PRKN: variants seen among roughly 807,000 people sequenced by gnomAD.
The protein encoded by PRKN is parkin RBR E3 ubiquitin protein ligase.
In PRKN, 56 loss-of-function variants were observed where a neutral mutation model predicts 59.5. That is an observed-to-expected ratio of 0.94 (90% CI 0.76 to 1.18). The LOEUF is 1.18. PRKN is among the 50% of genes most tolerant of loss of function. The pLI, the probability that PRKN is intolerant of heterozygous loss-of-function variation, is 0.00. For synonymous variants in PRKN, 250 were observed against 222.1 expected, an observed-to-expected ratio of 1.13 and a Z score of -1.12; for missense variants, 657 against 596.4, an observed-to-expected ratio of 1.10 and a Z score of -1.06.
intron 2 of PRKN, among the ~76,000 whole-genome samples, chr6:162,372,540 A>C (rs375489897): frequency 4.6e-5 from 7 of 152,086 alleles, no homozygotes; most frequent in African/African-American, 1.2e-4. Flanking sequence ...TGGCAACAAG[A>C]GACACTGGGG....
At chr6:161,842,567 T>C (rs533093057) in intron 6 of PRKN, among the ~76,000 whole-genome samples, 92 of 152,192 alleles carry the variant, frequency 6.0e-4, no homozygotes, top group African/African-American at 2.0e-3. Context: ...TCTCTTTTTT[T>C]TCTTTTTCTT....
intron 6 of PRKN, among the ~76,000 whole-genome samples, chr6:161,865,478 AC>A (rs1420862892): frequency 1.3e-5 from 2 of 152,218 alleles, no homozygotes; most frequent in Non-Finnish European, 2.9e-5. Flanking sequence ...GCATCTTTTT[AC>A]AACAGAAGGC....
At chr6:161,559,901 C>T (rs1452125534) in intron 8 of PRKN, among the ~76,000 whole-genome samples, 1 of 152,196 alleles carries the variant, frequency 6.6e-6, no homozygotes. Context: ...AAGCCTCTAA[C>T]ACTGAGGAAG....
At chr6:162,333,062 C>T (rs1178347491) in intron 2 of PRKN, among the ~76,000 whole-genome samples, 1 of 152,092 alleles carries the variant, frequency 6.6e-6, no homozygotes, top group East Asian at 1.9e-4. Context: ...GACTTTATTT[C>T]CATAGTTTAA....
chr6:161,996,886 T>C (rs1327279499), intron 5 of PRKN, among the ~76,000 whole-genome samples: 1 of 152,060 alleles, frequency 6.6e-6, no homozygotes, highest in Non-Finnish European at 1.5e-5. Flanking sequence ...TAAATCATCA[T>C]GCTTCAAAAG....
chr6:161,688,143 C>T (rs553131590), intron 7 of PRKN, among the ~76,000 whole-genome samples: 1 of 152,192 alleles, frequency 6.6e-6, no homozygotes, highest in Non-Finnish European at 1.5e-5. Context: ...CATTGCTTTT[C>T]CGTGAATTAG....
intron 10 of PRKN, among the ~76,000 whole-genome samples, chr6:161,375,407 C>T (rs1033554218): frequency 2.0e-5 from 3 of 152,194 alleles, no homozygotes; most frequent in Admixed American, 1.3e-4. Context: ...TGTGTACCCA[C>T]GCAAGCATGC....
chr6:161,856,576 G>A (rs922118896), intron 6 of PRKN, among the ~76,000 whole-genome samples: 5 of 152,064 alleles, frequency 3.3e-5, no homozygotes, highest in Admixed American at 6.6e-5. Context: ...AATGGTGACT[G>A]TAATCGATAA....
At position 161,832,013 on chromosome 6, in the gene PRKN, T is replaced by C. The variant is rs546027213; in HGVS notation, c.735-46105A>G. The stretch of plus-strand genomic sequence containing the variant: ...CAACTGTCTGGCTGTCTTGTTTCTG[T>C]CCCCATGTGGAAGTTTCTCCCATGT... On this transcript the variant is annotated intron_variant, in intron 6 of 11. Transcript: ENST00000366898. 2.6e-5 allele frequency among the ~76,000 whole-genome samples: 4 copies of C among 152,314 alleles called. No individual in the cohort carries two copies. The East Asian group carries it at 5.8e-4, about 22-fold the overall frequency.
intron 2 of PRKN, among the ~76,000 whole-genome samples, chr6:162,349,085 A>G (rs1203115583): frequency 6.6e-6 from 1 of 152,210 alleles, no homozygotes; most frequent in African/African-American, 2.4e-5. Flanking sequence ...TGTTGAAGAG[A>G]CTGATTTTGT....
intron 5 of PRKN, among the ~76,000 whole-genome samples, chr6:162,000,704 C>T (rs7453474): frequency 0.48 from 72,458 of 151,688 alleles, 17,514 homozygotes; most frequent in East Asian, 0.6. Context: ...CACTTGGTAT[C>T]GTATCTAAAA....
intron 6 of PRKN, among the ~76,000 whole-genome samples, chr6:161,837,108 C>T (rs986524260): frequency 6.6e-6 from 1 of 152,076 alleles, no homozygotes; most frequent in Non-Finnish European, 1.5e-5. Flanking sequence ...GCATAGGGGA[C>T]GCTCTGCCTG....
chr6:161,572,682 A>ATAAATAAATAAT (rs913605246), intron 7 of PRKN, among the ~76,000 whole-genome samples: 1 of 152,114 alleles, frequency 6.6e-6, no homozygotes, highest in African/African-American at 2.4e-5. Flanking sequence ...AAATAAATAA[A>ATAAATAAATAAT]TAAATAACCC....
chr6:161,569,716 A>G (rs1215318150), intron 7 of PRKN, among the ~76,000 whole-genome samples: 1 of 152,194 alleles, frequency 6.6e-6, no homozygotes, highest in African/African-American at 2.4e-5. Context: ...GGTTCTTAGA[A>G]ACATGTTCAG....
intron 3 of PRKN, among the ~76,000 whole-genome samples, chr6:162,249,758 G>A (rs1473676258): frequency 1.3e-5 from 2 of 152,144 alleles, no homozygotes; most frequent in African/African-American, 4.8e-5. Context: ...TTAATTAACA[G>A]TCTCATTGGA....
At chr6:162,399,809 G>T (rs1298315440) in intron 2 of PRKN, among the ~76,000 whole-genome samples, 1 of 151,998 alleles carries the variant, frequency 6.6e-6, no homozygotes, top group African/African-American at 2.4e-5. Flanking sequence ...AATAAGATGT[G>T]AAGTGACACA....
At chr6:162,559,484 TG>T (rs1779749993) in intron 1 of PRKN, among the ~76,000 whole-genome samples, 1 of 152,130 alleles carries the variant, frequency 6.6e-6, no homozygotes, top group African/African-American at 2.4e-5. Context: ...ACCTTGTCCC[TG>T]GAATTGTGCT....
At chr6:162,152,501 A>T (rs1461684460) in intron 4 of PRKN, among the ~76,000 whole-genome samples, 1 of 152,214 alleles carries the variant, frequency 6.6e-6, no homozygotes, top group African/African-American at 2.4e-5. Context: ...AGTGAAAATG[A>T]TTGAAATGAC....
chr6:162,595,323 T>C (rs1178874324), intron 1 of PRKN, among the ~76,000 whole-genome samples: 2 of 151,970 alleles, frequency 1.3e-5, no homozygotes, highest in Non-Finnish European at 2.9e-5. Flanking sequence ...TGGTGCAATC[T>C]TGGCTCACTG....
Sources: gnomAD v4.1 joint callset for allele counts (sites outside exome capture counted in the v4.1 genomes callset) on GRCh38, gnomAD v4.1.1 for gene constraint, MANE v1.5 for transcripts, NCBI Gene and HGNC (gene_info 2026-07-23, HGNC 2026-07-21) for gene names.